ARHGEF6: variants seen among roughly 807,000 people sequenced by gnomAD.
ARHGEF6 encodes the protein rho guanine nucleotide exchange factor 6.
A neutral mutation model predicts 70.3 loss-of-function variants in ARHGEF6; 9 were observed. That is an observed-to-expected ratio of 0.13 (90% CI 0.08 to 0.22). ARHGEF6 has a LOEUF of 0.22. Among genes scored for constraint, ARHGEF6 ranks in the 10% least tolerant of loss-of-function variants. The pLI, the probability that ARHGEF6 is intolerant of heterozygous loss-of-function variation, is 1.00. For synonymous variants in ARHGEF6, 201 were observed against 207.8 expected, an observed-to-expected ratio of 0.97 and a Z score of 0.28; for missense variants, 470 against 563.0, an observed-to-expected ratio of 0.83 and a Z score of 1.67.
At chrX:136,758,332 G>A (rs1484398204) in intron 2 of ARHGEF6, among the ~76,000 whole-genome samples, 1 of 109,793 alleles carries the variant, frequency 9.1e-6, no homozygotes, top group Non-Finnish European at 1.9e-5. Flanking sequence ...ATTAACAGGC[G>A]TGAGCCACTG....
At chrX:136,774,163 A>G (rs2077383882) in intron 2 of ARHGEF6, 1 of 111,692 alleles carries the variant, frequency 9.0e-6, no homozygotes, top group Non-Finnish European at 1.9e-5. Flanking sequence ...AAAGTGGAAG[A>G]ATATTTTAAG....
intron 8 of ARHGEF6, among the ~76,000 whole-genome samples, chrX:136,707,748 C>T (rs2076640294): frequency 8.9e-6 from 1 of 111,782 alleles, no homozygotes. Context: ...CCCTCTCCAT[C>T]GTTCTTCCTG....
intron 6 of ARHGEF6, among the ~76,000 whole-genome samples, chrX:136,729,894 T>C (rs1201677374): frequency 2.7e-5 from 3 of 110,474 alleles, no homozygotes; most frequent in South Asian, 3.8e-4. Flanking sequence ...TAAAAATTTA[T>C]ATACACACAT....
At chrX:136,677,243 G>C (rs1409872304) in intron 17 of ARHGEF6, among the ~76,000 whole-genome samples, 1 of 112,150 alleles carries the variant, frequency 8.9e-6, no homozygotes, top group Non-Finnish European at 1.9e-5. Context: ...AAGGCAGAGA[G>C]ACTAAGCCAT....
intron 2 of ARHGEF6, among the ~76,000 whole-genome samples, chrX:136,757,190 TC>T (rs1316594524): frequency 8.9e-6 from 1 of 112,173 alleles, no homozygotes; most frequent in African/African-American, 3.2e-5. Context: ...AACATGGCCG[TC>T]TCTACTAAAA....
intron 2 of ARHGEF6, among the ~76,000 whole-genome samples, chrX:136,765,521 C>A (rs375063950): frequency 8.9e-6 from 1 of 112,183 alleles, no homozygotes; most frequent in East Asian, 2.8e-4. Context: ...GAAAAACTCT[C>A]CTCCTGTCCT....
chrX:136,754,808 C>T (rs767378637), intron 2 of ARHGEF6, among the ~76,000 whole-genome samples: 1 of 111,240 alleles, frequency 9.0e-6, no homozygotes, highest in Middle Eastern at 4.6e-3. Context: ...CCCACCCCTC[C>T]TCCTGTGCTC....
intron 6 of ARHGEF6, among the ~76,000 whole-genome samples, chrX:136,718,142 C>T (rs912703824): frequency 9.0e-6 from 1 of 110,861 alleles, no homozygotes; most frequent in African/African-American, 3.3e-5. Flanking sequence ...TATAAAGACA[C>T]TTATAAATTA....
Position 136,668,096 on chromosome X carries a change from C to G in ARHGEF6, c.2264G>C (p.Arg755Thr). The G allele has an allele frequency of 8.3e-7, 1 of 1,211,640 alleles. No individual in the cohort carries two copies. The highest frequency in any genetic ancestry group is 1.1e-6 in the Non-Finnish European group (1 of 895,286). The stretch of plus-strand genomic sequence containing the variant: ...ACACTCATCTGTTTGCTTCAAAAGC[C>G]TCCGCACCAGCTTTTCTAGGTCCCT... ...SRRDLEKLVR[R>T]LLKQTDECIR... is the part of the protein sequence containing the mutation. Residue 755 changes from arginine (R) to threonine (T), a missense_variant, in exon 22 of 22, where the codon AGG (arginine) becomes ACG (threonine). By Grantham distance (71) the Arg-to-Thr change is moderately conservative. Around this residue, in one of 3 missense-constraint regions of ARHGEF6, gnomAD observed 88 missense variants for 95.5 expected, o/e 0.92. Transcript: ENST00000250617.
intron 2 of ARHGEF6, among the ~76,000 whole-genome samples, chrX:136,753,299 G>A (rs1467293768): frequency 8.9e-6 from 1 of 112,109 alleles, no homozygotes; most frequent in Non-Finnish European, 1.9e-5. Context: ...ACAGTGTATT[G>A]GAAAGAGCAC....
intron 9 of ARHGEF6, among the ~76,000 whole-genome samples, chrX:136,706,561 T>C (rs1470001807): frequency 8.9e-6 from 1 of 112,010 alleles, no homozygotes; most frequent in Non-Finnish European, 1.9e-5. Context: ...CATGTTAATG[T>C]TATCTCACAG....
chrX:136,749,250 G>A (rs754101459), intron 2 of ARHGEF6, among the ~76,000 whole-genome samples: 9 of 111,782 alleles, frequency 8.1e-5, no homozygotes, highest in African/African-American at 2.9e-4. Context: ...AGAGTGTCTA[G>A]TATCTCCGGG....
chrX:136,771,206 T>A (rs1023016486), intron 2 of ARHGEF6, among the ~76,000 whole-genome samples: 6 of 111,458 alleles, frequency 5.4e-5, no homozygotes, highest in African/African-American at 2.0e-4. Flanking sequence ...ATAAGACAAA[T>A]AAGTGGAAAT....
intron 2 of ARHGEF6, among the ~76,000 whole-genome samples, chrX:136,758,692 A>T (rs771756951): frequency 7.2e-5 from 8 of 111,429 alleles, no homozygotes; most frequent in Admixed American, 9.5e-5. Flanking sequence ...ATCTTAGGGG[A>T]AACCCAGCTT....
At chrX:136,672,596 C>T (rs1321789419) in intron 19 of ARHGEF6, among the ~76,000 whole-genome samples, 1 of 112,230 alleles carries the variant, frequency 8.9e-6, no homozygotes, top group South Asian at 3.7e-4. Flanking sequence ...TCATCACCCC[C>T]ATTTGTTCTC....
At chrX:136,745,038 C>A (rs765598905) in intron 4 of ARHGEF6, among the ~76,000 whole-genome samples, 185 bp downstream of exon 4, 2 of 111,672 alleles carry the variant, frequency 1.8e-5, no homozygotes, top group South Asian at 7.6e-4. Context: ...GGATTTTTGC[C>A]CCACCACATG....
At chrX:136,728,864 A>G (rs749287119) in intron 6 of ARHGEF6, among the ~76,000 whole-genome samples, 2 of 109,926 alleles carry the variant, frequency 1.8e-5, no homozygotes, top group Non-Finnish European at 3.8e-5. Flanking sequence ...TGAAACTTAC[A>G]CTATCAGCTC....
chrX:136,682,648 T>G (rs2076343876), intron 13 of ARHGEF6, 110 bp downstream of exon 13: 1 of 597,007 alleles, frequency 1.7e-6, no homozygotes, highest in South Asian at 2.5e-5. Flanking sequence ...GTCAGAACAT[T>G]CTGGTTCTCC....
chrX:136,728,520 C>T (rs1403203914), intron 6 of ARHGEF6, among the ~76,000 whole-genome samples: 1 of 107,729 alleles, frequency 9.3e-6, no homozygotes, highest in Non-Finnish European at 1.9e-5. Flanking sequence ...AGGTCTCTAT[C>T]CTGCCCAAGT....
Sources: allele counts gnomAD v4.1 joint callset (sites outside exome capture counted in the v4.1 genomes callset), GRCh38; gene constraint gnomAD v4.1.1; regional missense constraint gnomAD v4.1.1; transcripts MANE v1.5; gene names NCBI Gene and HGNC (gene_info 2026-07-23, HGNC 2026-07-21).